Variants in DPP10 observed in about 807,000 individuals in gnomAD.
DPP10 encodes the protein dipeptidyl peptidase like 10.
In DPP10, 33 loss-of-function variants were observed where a neutral mutation model predicts 120.9. The ratio of observed to expected loss-of-function variants is 0.27; its 90% CI spans 0.21 to 0.37. DPP10 has a LOEUF of 0.37. DPP10 is among the 10% of genes least tolerant of loss of function. The pLI, the probability that DPP10 is intolerant of heterozygous loss-of-function variation, is 1.00. For synonymous variants in DPP10, 337 were observed against 326.1 expected (o/e 1.03, Z -0.36); for missense variants, 816 against 942.8 (o/e 0.87, Z 1.76).
At chr2:115,642,811 A>T (rs2086894699) in intron 5 of DPP10, among the ~76,000 whole-genome samples, 1 of 152,058 alleles carries the variant, frequency 6.6e-6, no homozygotes, top group South Asian at 2.1e-4. Flanking sequence ...ATTTCTGATT[A>T]TAGATTTAAT....
intron 1 of DPP10, among the ~76,000 whole-genome samples, chr2:114,800,938 T>TAAA (rs55970532): frequency 1.3e-5 from 2 of 148,634 alleles, no homozygotes; most frequent in South Asian, 2.1e-4. Context: ...AAATGGGAAT[T>TAAA]AAAAAAAAAA....
chr2:115,757,656 G>T (rs970677090), intron 11 of DPP10, among the ~76,000 whole-genome samples: 5 of 151,998 alleles, frequency 3.3e-5, no homozygotes, highest in African/African-American at 1.2e-4. Flanking sequence ...GCACAAATAT[G>T]AGAAAGTCCT....
intron 1 of DPP10, among the ~76,000 whole-genome samples, chr2:115,047,306 A>G (rs192195756): frequency 2.7e-3 from 412 of 152,156 alleles, no homozygotes; most frequent in Non-Finnish European, 4.1e-3. Flanking sequence ...TGTATTTTAC[A>G]TTTATCCTTT....
intron 5 of DPP10, among the ~76,000 whole-genome samples, chr2:115,676,830 A>G (rs544143605): frequency 6.6e-6 from 1 of 152,192 alleles, no homozygotes; most frequent in Non-Finnish European, 1.5e-5. Flanking sequence ...CATGCAGATA[A>G]CAAGCTCAAA....
intron 3 of DPP10, among the ~76,000 whole-genome samples, chr2:115,488,980 G>A (rs200475610): frequency 6.6e-6 from 1 of 151,772 alleles, no homozygotes; most frequent in Non-Finnish European, 1.5e-5. Context: ...TGGCTATTTT[G>A]GAAATCCAAA....
At chr2:115,279,708 C>G (rs1261149835) in intron 1 of DPP10, among the ~76,000 whole-genome samples, 1 of 110,438 alleles carries the variant, frequency 9.1e-6, no homozygotes, top group Admixed American at 1.4e-4. Context: ...GTCGCCCAGG[C>G]TGGAGTGCAG....
intron 1 of DPP10, among the ~76,000 whole-genome samples, chr2:114,948,936 T>A (rs1697569676): frequency 6.6e-6 from 1 of 151,926 alleles, no homozygotes; most frequent in Non-Finnish European, 1.5e-5. Flanking sequence ...CTTTGTTTTT[T>A]TTTTTTGAGA....
intron 4 of DPP10, among the ~76,000 whole-genome samples, chr2:115,516,266 T>A (rs1363258789): frequency 6.6e-6 from 1 of 152,152 alleles, no homozygotes; most frequent in Non-Finnish European, 1.5e-5. Context: ...TCTTGATTGT[T>A]TCTTATTGTC....
chr2:115,614,551 G>T (rs554146654), intron 5 of DPP10, among the ~76,000 whole-genome samples: 25 of 152,194 alleles, frequency 1.6e-4, no homozygotes, highest in Non-Finnish European at 2.8e-4. Context: ...TCAGCCTCCC[G>T]AGTAGCTGGT....
chr2:114,939,937 G>A (rs1304989116), intron 1 of DPP10, among the ~76,000 whole-genome samples: 1 of 151,984 alleles, frequency 6.6e-6, no homozygotes, highest in Non-Finnish European at 1.5e-5. Flanking sequence ...CACATTTATT[G>A]CACAATTGAA....
chr2:114,473,367 T>C (rs755992693), intron 1 of DPP10, among the ~76,000 whole-genome samples: 8 of 152,222 alleles, frequency 5.3e-5, no homozygotes, highest in Non-Finnish European at 8.8e-5. Context: ...ATTAGGACAA[T>C]TTCTGCCTTG....
intron 1 of DPP10, among the ~76,000 whole-genome samples, chr2:115,293,486 CTG>C (rs2060749006): frequency 6.6e-6 from 1 of 152,076 alleles, no homozygotes; most frequent in African/African-American, 2.4e-5. Flanking sequence ...GTGCCTTTCT[CTG>C]TAGTCTGGGA....
intron 3 of DPP10, among the ~76,000 whole-genome samples, chr2:115,363,377 G>A (rs1326615787): frequency 6.6e-6 from 1 of 152,178 alleles, no homozygotes; most frequent in Non-Finnish European, 1.5e-5. Flanking sequence ...CTAAGTCCTT[G>A]TAGACCATAA....
At chr2:114,828,366 C>CT (rs1036438171) in intron 1 of DPP10, 97 of 152,130 alleles carry the variant, frequency 6.4e-4, no homozygotes, top group African/African-American at 2.3e-3. Flanking sequence ...TTTATTAGCA[C>CT]TTTTTTATCA....
At chr2:115,836,774 T>G (rs1485618448) in intron 24 of DPP10, 28 bp downstream of exon 24, 1 of 1,598,688 alleles carries the variant, frequency 6.3e-7, no homozygotes, top group South Asian at 1.1e-5. Context: ...CGCTGCTGTT[T>G]GATAGGGTAT....
chr2:115,066,893 C>T (rs375637921), intron 1 of DPP10: 1 of 152,192 alleles, frequency 6.6e-6, no homozygotes, highest in African/African-American at 2.4e-5. Flanking sequence ...TCCATCACCT[C>T]ACAGGTTTAC....
At chr2:115,150,767 G>C (rs899249438) in intron 1 of DPP10, among the ~76,000 whole-genome samples, 1 of 152,124 alleles carries the variant, frequency 6.6e-6, no homozygotes, top group Non-Finnish European at 1.5e-5. Flanking sequence ...AAATTGGTAT[G>C]TTCGTAAGCA....
intron 1 of DPP10, among the ~76,000 whole-genome samples, chr2:114,653,723 G>A (rs766641030): frequency 4.6e-5 from 7 of 152,104 alleles, no homozygotes; most frequent in Non-Finnish European, 7.4e-5. Context: ...GGGCCCTGAC[G>A]CTAGAGGAAT....
chr2:115,384,241 G>T (rs1188440040), intron 3 of DPP10, among the ~76,000 whole-genome samples: 1 of 152,080 alleles, frequency 6.6e-6, no homozygotes, highest in African/African-American at 2.4e-5. Flanking sequence ...AGGCAGGTTG[G>T]CTCACACCTG....
Sources: gnomAD v4.1 joint callset for allele counts (sites outside exome capture counted in the v4.1 genomes callset) on GRCh38, gnomAD v4.1.1 for gene constraint, MANE v1.5 for transcripts, NCBI Gene and HGNC (gene_info 2026-07-23, HGNC 2026-07-21) for gene names.